The following ANO6 variants were observed in gnomAD, a reference collection of about 807,000 sequenced individuals.
ANO6 encodes the protein anoctamin 6.
ANO6 carries 106 observed loss-of-function variants against 117.5 expected under a neutral mutation model. The observed-to-expected ratio is 0.90, with a 90% CI of 0.77 to 1.06. ANO6 has a LOEUF of 1.06. ANO6 is among the 50% of genes least tolerant of loss of function. The probability of loss-of-function intolerance (pLI) is 0.00; values close to 1 mark genes in which losing one functional copy is unlikely to be tolerated. For synonymous variants in ANO6, 367 were observed against 385.1 expected, an observed-to-expected ratio of 0.95 and a Z score of 0.55; for missense variants, 955 against 1,121.1, an observed-to-expected ratio of 0.85 and a Z score of 2.12.
At chr12:45,306,409 T>C (rs1217568070) in intron 2 of ANO6, among the ~76,000 whole-genome samples, 1 of 152,030 alleles carries the variant, frequency 6.6e-6, no homozygotes, top group African/African-American at 2.4e-5. Flanking sequence ...AACCATAGGA[T>C]TTAGAAAGGC....
intron 1 of ANO6, among the ~76,000 whole-genome samples, chr12:45,219,622 G>T (rs550397467): frequency 4.3e-4 from 65 of 151,746 alleles, no homozygotes; most frequent in African/African-American, 1.5e-3. Flanking sequence ...GGGATTACAG[G>T]TGTGAGCCAC....
chr12:45,343,705 G>T (rs1339607743), intron 3 of ANO6, among the ~76,000 whole-genome samples: 3 of 152,110 alleles, frequency 2.0e-5, no homozygotes, highest in Non-Finnish European at 4.4e-5. Flanking sequence ...GATAAATAAG[G>T]TTAGAGATAG....
chr12:45,225,219 A>G (rs1287067880), intron 1 of ANO6, among the ~76,000 whole-genome samples: 1 of 150,054 alleles, frequency 6.7e-6, no homozygotes, highest in Non-Finnish European at 1.5e-5. Context: ...ATTTGGCTTT[A>G]AATTAAAGGA....
chr12:45,320,487 T>C (rs1465792156), intron 2 of ANO6, among the ~76,000 whole-genome samples: 1 of 152,150 alleles, frequency 6.6e-6, no homozygotes, highest in Non-Finnish European at 1.5e-5. Flanking sequence ...TGAGAGACAG[T>C]TTGTTATAAT....
intron 3 of ANO6, among the ~76,000 whole-genome samples, chr12:45,339,077 C>T (rs1940906598): frequency 6.6e-6 from 1 of 152,058 alleles, no homozygotes; most frequent in Non-Finnish European, 1.5e-5. Flanking sequence ...ATCAGCTATA[C>T]CAAATTCTCT....
chr12:45,349,545 T>C (rs1941229188), intron 6 of ANO6, among the ~76,000 whole-genome samples: 1 of 152,256 alleles, frequency 6.6e-6, no homozygotes, highest in Non-Finnish European at 1.5e-5. Flanking sequence ...CTTTGTTATA[T>C]TCACTATCAA....
chr12:45,219,985 A>G (rs972000649), intron 1 of ANO6, among the ~76,000 whole-genome samples: 6 of 152,202 alleles, frequency 3.9e-5, no homozygotes, highest in African/African-American at 1.4e-4. Context: ...CCAAGTGTGC[A>G]AAAGAGTGTC....
intron 1 of ANO6, among the ~76,000 whole-genome samples, chr12:45,249,129 T>G (rs1947866572): frequency 6.6e-6 from 1 of 152,216 alleles, no homozygotes; most frequent in Non-Finnish European, 1.5e-5. Context: ...CTTTGAAAGA[T>G]CTCATTATCC....
At position 45,421,078 on chromosome 12, in the gene ANO6, T is replaced by C. The variant is rs748759071; in HGVS notation, c.2225T>C (p.Ile742Thr). The change falls in exon 18 of 20, where the codon ATC becomes ACC. Residue 742 changes from isoleucine (I) to threonine (T), a missense_variant. Ile to Thr is a moderately conservative substitution (Grantham distance 89). Coordinates refer to ENST00000320560, the MANE Select transcript of ANO6 (RefSeq NM_001025356.3). ...AILAVVTNAM[I>T]IAFTSDMIPR... ...GTTTTTCTCCCAAAATAGGCCATGA[T>C]CATAGCTTTCACGTCGGACATGATC... 5 of 1,614,144 alleles carry C rather than the reference T, an allele frequency of 3.1e-6. No individual in the cohort carries two copies. The highest frequency in any genetic ancestry group is 4.2e-6 in the Non-Finnish European group (5 of 1,180,016).
intron 19 of ANO6, among the ~76,000 whole-genome samples, chr12:45,426,441 G>A (rs1301291777): frequency 1.3e-5 from 2 of 151,976 alleles, no homozygotes; most frequent in South Asian, 2.1e-4. Flanking sequence ...TGTGGCCAGC[G>A]CCGTTGAATG....
intron 3 of ANO6, among the ~76,000 whole-genome samples, chr12:45,336,976 C>T (rs143921829): frequency 8.2e-4 from 124 of 151,866 alleles, no homozygotes; most frequent in African/African-American, 2.7e-3. Flanking sequence ...CCTGTGTAGG[C>T]CTAGCTAATG....
intron 1 of ANO6, among the ~76,000 whole-genome samples, chr12:45,282,668 A>G (rs1163697261): frequency 6.6e-6 from 1 of 152,206 alleles, no homozygotes; most frequent in Non-Finnish European, 1.5e-5. Flanking sequence ...AGTAGTAAGG[A>G]CTATGTTATA....
At chr12:45,432,643 A>G (rs754087172), downstream of ANO6, among the ~76,000 whole-genome samples, 2 of 152,218 alleles carry the variant, frequency 1.3e-5, no homozygotes, top group Non-Finnish European at 2.9e-5. Flanking sequence ...TTCACCTACT[A>G]GTTTAATGAA....
intron 1 of ANO6, among the ~76,000 whole-genome samples, chr12:45,233,193 C>T (rs1820294204): frequency 6.6e-6 from 1 of 152,156 alleles, no homozygotes; most frequent in South Asian, 2.1e-4. Context: ...GTGGAAAATA[C>T]CTACTGATGA....
rs1220662017 is a variant in ANO6 at position 45,421,261 on chromosome 12, A to C, written c.2408A>C (p.His803Pro). 6.2e-7 allele frequency: 1 copy of C among 1,614,136 alleles called. No individual in the cohort carries two copies. The highest frequency in any genetic ancestry group is 1.1e-5 in the South Asian group (1 of 91,080). Residue 803 changes from histidine to proline, a missense_variant, in exon 18 of 20, where the codon CAT becomes CCT. His to Pro is a moderately conservative substitution (Grantham distance 77, BLOSUM62 -2). Coordinates refer to ENST00000320560, the MANE Select transcript of ANO6 (RefSeq NM_001025356.3). ...KGNPYSDLGN[H>P]TTCRYRDFRY... ...AACCCGTACTCTGACCTGGGTAACC[A>C]TACCACATGCAGGCAAGTTCTGCTT...
chr12:45,382,419 A>G (rs772218573), intron 10 of ANO6, among the ~76,000 whole-genome samples: 2 of 152,238 alleles, frequency 1.3e-5, no homozygotes, highest in African/African-American at 2.4e-5. Context: ...ACTTTAAAAA[A>G]TGGTTATGCT....
intron 12 of ANO6, among the ~76,000 whole-genome samples, chr12:45,399,842 C>T (rs911149086): frequency 1.3e-5 from 2 of 152,110 alleles, no homozygotes; most frequent in African/African-American, 4.8e-5. Context: ...TGACCTTATA[C>T]TAAAGTTATG....
chr12:45,278,625 G>T (rs1170644978), intron 1 of ANO6, among the ~76,000 whole-genome samples: 1 of 151,952 alleles, frequency 6.6e-6, no homozygotes, highest in Non-Finnish European at 1.5e-5. Context: ...TTTCATGGAT[G>T]CACTTTTCTC....
chr12:45,407,142 C>T, intron 15 of ANO6, among the ~76,000 whole-genome samples: 1 of 152,158 alleles, frequency 6.6e-6, no homozygotes, highest in East Asian at 1.9e-4. Flanking sequence ...AGTGGTTCAA[C>T]TCAGGAAAAC....
Sources: gnomAD v4.1 joint callset for allele counts (sites outside exome capture counted in the v4.1 genomes callset) on GRCh38, gnomAD v4.1.1 for gene constraint, MANE v1.5 for transcripts, NCBI Gene and HGNC (gene_info 2026-07-23, HGNC 2026-07-21) for gene names.